Variants in TRPC4 observed in about 807,000 individuals in gnomAD.
TRPC4 encodes transient receptor potential cation channel subfamily C member 4.
Under a neutral mutation model 99.4 loss-of-function variants are expected in TRPC4, and 49 were observed. That is an observed-to-expected ratio of 0.49 (90% CI 0.39 to 0.63). The LOEUF is 0.63. Ranked by LOEUF, TRPC4 falls within the 20% of genes least tolerant of loss-of-function variation. The pLI, the probability that TRPC4 is intolerant of heterozygous loss-of-function variation, is 0.00. For synonymous variants in TRPC4, 454 were observed against 425.9 expected (o/e 1.07, Z -0.81); for missense variants, 898 against 1,152.9 (o/e 0.78, Z 3.20).
chr13:37,824,354 T>C (rs1030749164), intron 1 of TRPC4, among the ~76,000 whole-genome samples: 26 of 142,258 alleles, frequency 1.8e-4, no homozygotes, highest in Non-Finnish European at 2.3e-4. Context: ...TTGTGCCAGT[T>C]TTCAAAGGGA....
At chr13:37,710,729 T>C (rs552496370) in intron 3 of TRPC4, among the ~76,000 whole-genome samples, 3 of 151,960 alleles carry the variant, frequency 2.0e-5, no homozygotes, top group Non-Finnish European at 4.4e-5. Context: ...TCTTTATGGG[T>C]CTTGAATCTG....
intron 3 of TRPC4, among the ~76,000 whole-genome samples, chr13:37,731,278 G>A (rs1394994285): frequency 6.6e-6 from 1 of 151,892 alleles, no homozygotes; most frequent in East Asian, 1.9e-4. Context: ...TTCTGAAAAC[G>A]GATGGCCAAG....
intron 1 of TRPC4, among the ~76,000 whole-genome samples, chr13:37,789,430 C>T (rs994451071): frequency 5.3e-5 from 8 of 152,046 alleles, no homozygotes; most frequent in African/African-American, 1.7e-4. Flanking sequence ...CTTTATAAAC[C>T]CTGTGGATCT....
chr13:37,804,282 T>G (rs192590292), intron 1 of TRPC4, among the ~76,000 whole-genome samples: 1 of 152,168 alleles, frequency 6.6e-6, no homozygotes, highest in Admixed American at 6.6e-5. Flanking sequence ...GGACATAACA[T>G]TATTGTAAGT....
intron 3 of TRPC4, among the ~76,000 whole-genome samples, chr13:37,741,114 T>A (rs1269306017): frequency 2.0e-5 from 3 of 152,234 alleles, no homozygotes; most frequent in African/African-American, 7.2e-5. Context: ...CCTTGCTTTT[T>A]ATTTTTATTT....
At chr13:37,835,256 T>G (rs543037017) in intron 1 of TRPC4, among the ~76,000 whole-genome samples, 1 of 152,188 alleles carries the variant, frequency 6.6e-6, no homozygotes, top group African/African-American at 2.4e-5. Context: ...TTTAACTTCA[T>G]GCCTTCAAAA....
At chr13:37,746,522 C>T in intron 2 of TRPC4, 67 bp from the exon 3 acceptor site, 1 of 1,501,630 alleles carries the variant, frequency 6.7e-7, no homozygotes, top group South Asian at 1.3e-5. Flanking sequence ...ATTTCATACA[C>T]CATGCTATAG....
At chr13:37,837,446 C>T (rs1958597339) in intron 1 of TRPC4, among the ~76,000 whole-genome samples, 2 of 152,230 alleles carry the variant, frequency 1.3e-5, no homozygotes, top group African/African-American at 2.4e-5. Context: ...TGGGAACCCA[C>T]CTCTTACCTC....
intron 1 of TRPC4, among the ~76,000 whole-genome samples, chr13:37,854,494 C>T (rs1001458147): frequency 1.3e-5 from 2 of 151,992 alleles, no homozygotes; most frequent in African/African-American, 4.8e-5. Context: ...AAGATAAAAA[C>T]TCACTGGTAA....
At chr13:37,689,870 G>T (rs1215471708) in intron 4 of TRPC4, among the ~76,000 whole-genome samples, 1 of 152,132 alleles carries the variant, frequency 6.6e-6, no homozygotes, top group Admixed American at 6.5e-5. Context: ...TAAAATTTAA[G>T]CTTCATTAGC....
chr13:37,737,989 A>C (rs1394505031), intron 3 of TRPC4, among the ~76,000 whole-genome samples: 1 of 152,154 alleles, frequency 6.6e-6, no homozygotes, highest in African/African-American at 2.4e-5. Context: ...ATGTTAATGC[A>C]TGATCCCTTT....
chr13:37,781,796 A>G (rs549771167), intron 2 of TRPC4, among the ~76,000 whole-genome samples: 1 of 152,162 alleles, frequency 6.6e-6, no homozygotes, highest in East Asian at 1.9e-4. Flanking sequence ...GATGAAACAT[A>G]AAAAAGGGAC....
At chr13:37,716,281 G>A (rs928036714) in intron 3 of TRPC4, among the ~76,000 whole-genome samples, 7 of 152,148 alleles carry the variant, frequency 4.6e-5, no homozygotes, top group African/African-American at 7.2e-5. Flanking sequence ...TAAAATATAC[G>A]GGAATTACAA....
chr13:37,701,533 T>G (rs1038622888), intron 3 of TRPC4, among the ~76,000 whole-genome samples: 1 of 152,140 alleles, frequency 6.6e-6, no homozygotes, highest in Non-Finnish European at 1.5e-5. Flanking sequence ...CATTTCCACT[T>G]GCCACACGTG....
intron 3 of TRPC4, among the ~76,000 whole-genome samples, chr13:37,736,536 A>G (rs1375244019): frequency 2.0e-5 from 3 of 152,146 alleles, no homozygotes; most frequent in Non-Finnish European, 4.4e-5. Flanking sequence ...AATATATTTT[A>G]AAATGCAATT....
intron 2 of TRPC4, among the ~76,000 whole-genome samples, chr13:37,752,341 G>A (rs1033969969): frequency 6.6e-6 from 1 of 151,748 alleles, no homozygotes; most frequent in Admixed American, 6.6e-5. Context: ...TTGGCAAAGT[G>A]CCTAGCGGAT....
intron 4 of TRPC4, among the ~76,000 whole-genome samples, chr13:37,686,117 C>A (rs1266851899): frequency 1.3e-5 from 2 of 151,982 alleles, no homozygotes; most frequent in African/African-American, 2.4e-5. Flanking sequence ...GAAAGTAATA[C>A]GAATATTTCT....
At chr13:37,677,970 A>T (rs1057174714) in intron 4 of TRPC4, among the ~76,000 whole-genome samples, 1 of 152,162 alleles carries the variant, frequency 6.6e-6, no homozygotes, top group Non-Finnish European at 1.5e-5. Context: ...CAATAATTAA[A>T]TGTACCTAGA....
At chr13:37,839,247 C>T (rs1958661297) in intron 1 of TRPC4, among the ~76,000 whole-genome samples, 1 of 152,130 alleles carries the variant, frequency 6.6e-6, no homozygotes, top group African/African-American at 2.4e-5. Context: ...TTCCTCTGTT[C>T]TCCCCCTTTG....
Sources: allele counts gnomAD v4.1 joint callset (sites outside exome capture counted in the v4.1 genomes callset), GRCh38; gene constraint gnomAD v4.1.1; transcripts MANE v1.5; gene names NCBI Gene and HGNC (gene_info 2026-07-23, HGNC 2026-07-21).